Variants in FNTB observed in about 807,000 individuals in gnomAD.
FNTB encodes the protein farnesyltransferase, CAAX box, subunit beta.
In FNTB, 27 loss-of-function variants were observed where a neutral mutation model predicts 59.4. The observed-to-expected ratio is 0.45, with a 90% CI of 0.34 to 0.63. The LOEUF is 0.63. FNTB is among the 20% of genes least tolerant of loss of function. The probability of loss-of-function intolerance (pLI) is 0.02; values close to 1 mark genes in which losing one functional copy is unlikely to be tolerated. For synonymous variants in FNTB, 230 were observed against 220.7 expected (o/e 1.04, Z -0.37); for missense variants, 449 against 559.6 (o/e 0.80, Z 1.99).
intron 2 of FNTB, among the ~76,000 whole-genome samples, chr14:65,008,663 G>GAAC (rs1454408722): frequency 1.3e-5 from 2 of 152,218 alleles, no homozygotes; most frequent in African/African-American, 4.8e-5. Flanking sequence ...CAGGCAGAGG[G>GAAC]AACAGCATGT....
At chr14:65,000,838 A>AAAAAAAAAAAAAAAGAAAG (rs778200008) in intron 1 of FNTB, among the ~76,000 whole-genome samples, 18 of 116,092 alleles carry the variant, frequency 1.6e-4, no homozygotes, top group Non-Finnish European at 3.2e-4. Context: ...AAAAAAAAAA[A>AAAAAAAAAAAAAAAGAAAG]AAAGAATAGT....
At chr14:65,021,905 C>T (rs2061893932) in intron 4 of FNTB, 1 of 455,780 alleles carries the variant, frequency 2.2e-6, no homozygotes, top group Admixed American at 2.4e-5. Context: ...GTCGGCCTCC[C>T]AAAGTGCTAG....
At chr14:65,022,053 A>G (rs1325962829) in intron 4 of FNTB, 1 of 456,088 alleles carries the variant, frequency 2.2e-6, no homozygotes, top group Admixed American at 2.3e-5. Context: ...TGTGAGCAGC[A>G]GAGGCCACCC....
chr14:65,000,813 CTCAAAAAAA>C (rs1566862623), intron 1 of FNTB, among the ~76,000 whole-genome samples: 1 of 46,930 alleles, frequency 2.1e-5, no homozygotes, highest in Non-Finnish European at 3.8e-5. Context: ...CAGACTCCGT[CTCAAAAAAA>C]AAAAAAAAAA....
At position 64,991,506 on chromosome 14, in the gene FNTB, A is replaced by G. The variant is rs935528718; in HGVS notation, c.144+4409A>G. On this transcript the variant is annotated intron_variant, in intron 1 of 11. Transcript: ENST00000246166. This position sits in a 1 kb window ranked among gnomAD's most constrained non-coding sequence, Gnocchi z 4.4. ...GTAATACCAGCTACTCAGGACACTG[A>G]GGCAGGTGAATCTCTTTAACCTGGG... Among the ~76,000 whole-genome samples the G allele has an allele frequency of 6.6e-6, 1 of 152,164 alleles. No homozygotes were observed. The highest frequency in any genetic ancestry group is 2.4e-5 in the African/African-American group (1 of 41,430).
At chr14:65,038,691 C>T (rs2062272065) in intron 7 of FNTB, among the ~76,000 whole-genome samples, 1 of 152,150 alleles carries the variant, frequency 6.6e-6, no homozygotes, top group South Asian at 2.1e-4. Flanking sequence ...GTACTCCAGC[C>T]TCGGCATCAG....
At chr14:65,021,575 T>A (rs1479676879) in intron 4 of FNTB, among the ~76,000 whole-genome samples, 2 of 152,286 alleles carry the variant, frequency 1.3e-5, no homozygotes, top group East Asian at 1.9e-4. Flanking sequence ...AAATATCCTC[T>A]ACAGGACGGT....
intron 2 of FNTB, among the ~76,000 whole-genome samples, chr14:65,005,449 T>TTTTCTTTCTTTCTTTCTTTC (rs71123898): frequency 8.3e-5 from 10 of 119,912 alleles, no homozygotes; most frequent in Non-Finnish European, 1.2e-4. Flanking sequence ...TCTTCCTTTC[T>TTTTCTTTCTTTCTTTCTTTC]TTTCTTTCTT....
In FNTB at chr14:64,986,949, T is replaced by C. The variant is rs371704533; in HGVS notation, c.-5T>C. On this transcript the variant is annotated 5_prime_UTR_variant, in exon 1 of 12. Transcript: ENST00000246166. ...TCCTACACACTGTCTGCTGCTCTCC[T>C]GATCATGGCTTCTCCGAGTTCTTTC... 6 of 1,614,138 alleles carry C rather than the reference T, an allele frequency of 3.7e-6. No homozygotes were observed. The highest frequency in any genetic ancestry group is 5.1e-6 in the Non-Finnish European group (6 of 1,180,038).
chr14:65,026,440 G>A (rs935533643), intron 4 of FNTB, among the ~76,000 whole-genome samples: 1 of 152,156 alleles, frequency 6.6e-6, no homozygotes, highest in Non-Finnish European at 1.5e-5. Context: ...CCAAGAACCC[G>A]CAGACTGGGA....
chr14:64,987,849 G>A (rs1478315027), intron 1 of FNTB, among the ~76,000 whole-genome samples: 1 of 152,190 alleles, frequency 6.6e-6, no homozygotes, highest in Non-Finnish European at 1.5e-5. Context: ...CAAAACCATA[G>A]TTTTGTTTTT....
chr14:65,050,477 G>A (rs2062582040), intron 9 of FNTB, among the ~76,000 whole-genome samples: 2 of 152,088 alleles, frequency 1.3e-5, no homozygotes, highest in African/African-American at 4.8e-5. Context: ...TGTAATCCAA[G>A]GTACTCAGGA....
chr14:65,046,592 G>T (rs1016947327), intron 9 of FNTB, among the ~76,000 whole-genome samples: 8 of 152,156 alleles, frequency 5.3e-5, no homozygotes, highest in Non-Finnish European at 8.8e-5. Flanking sequence ...TCATTGGCTG[G>T]GAGAAGGCCT....
chr14:64,988,949 T>C lies in FNTB; in HGVS notation c.144+1852T>C, dbSNP rs74056633. Among the ~76,000 whole-genome samples the C allele has an allele frequency of 1.5e-3, 230 of 152,210 alleles. 1 individual carries two copies. The highest frequency in any genetic ancestry group is 5.2e-3 in the African/African-American group (215 of 41,530). Reference sequence around the variant, plus strand: ...TGAGTCTCAGCACAGTGCTAAATGCTCTCCATATGTGGTATCATTCAATCC... The same window carrying C: ...TGAGTCTCAGCACAGTGCTAAATGCCCTCCATATGTGGTATCATTCAATCC... On this transcript the variant is annotated intron_variant, in intron 1 of 11. Coordinates refer to ENST00000246166, the MANE Select transcript of FNTB (RefSeq NM_002028.4).
rs1433545854 is a variant in FNTB, at chr14:64,990,957, T to C, written c.144+3860T>C. On this transcript the variant is annotated intron_variant, in intron 1 of 11. Transcript: ENST00000246166. This position sits in a 1 kb window ranked among gnomAD's most constrained non-coding sequence, Gnocchi z 5.2. ...ATGCAGATGCAGGGAGGGCCTTTCA[T>C]GACACTAGAGAACAAGACATGGTTG... Among the ~76,000 whole-genome samples, 1 of 152,196 alleles carries C rather than the reference T, an allele frequency of 6.6e-6. No individual in the cohort carries two copies. Among genetic ancestry groups the C allele is most frequent in the African/African-American group, 2.4e-5 (1 of 41,434 alleles).
chr14:64,991,507 G>C lies in FNTB; in HGVS notation c.144+4410G>C, dbSNP rs1888197875. On this transcript the variant is annotated intron_variant, in intron 1 of 11. Transcript: ENST00000246166. The surrounding 1 kb of genome is among the most constrained non-coding windows in gnomAD (Gnocchi z 4.4). ...TAATACCAGCTACTCAGGACACTGAGGCAGGTGAATCTCTTTAACCTGGGA... is the reference window on the plus strand; with the variant it reads ...TAATACCAGCTACTCAGGACACTGACGCAGGTGAATCTCTTTAACCTGGGA... Among the ~76,000 whole-genome samples, 1 of 152,134 alleles carries C rather than the reference G, an allele frequency of 6.6e-6. No individual in the cohort carries two copies.
intron 4 of FNTB, among the ~76,000 whole-genome samples, chr14:65,018,347 G>A (rs1374708971): frequency 6.6e-6 from 1 of 151,912 alleles, no homozygotes; most frequent in Non-Finnish European, 1.5e-5. Context: ...ATATGAATGT[G>A]TATATTTGTA....
chr14:65,000,813 C>T (rs1888565633), intron 1 of FNTB, among the ~76,000 whole-genome samples: 1 of 46,930 alleles, frequency 2.1e-5, no homozygotes, highest in South Asian at 7.7e-4. Flanking sequence ...CAGACTCCGT[C>T]TCAAAAAAAA....
intron 9 of FNTB, among the ~76,000 whole-genome samples, chr14:65,052,055 A>C (rs2062628092): frequency 6.6e-6 from 1 of 152,122 alleles, no homozygotes; most frequent in Non-Finnish European, 1.5e-5. Flanking sequence ...TCAGCCTCCC[A>C]AAGTGCTGGG....
Sources: allele counts gnomAD v4.1 joint callset (sites outside exome capture counted in the v4.1 genomes callset), GRCh38; gene constraint gnomAD v4.1.1; non-coding constraint Gnocchi (gnomAD v3.1); transcripts MANE v1.5; gene names NCBI Gene and HGNC (gene_info 2026-07-23, HGNC 2026-07-21).